CCDC77: variants seen among roughly 807,000 people sequenced by gnomAD.
CCDC77 encodes the protein coiled-coil domain containing 77.
CCDC77 carries 56 observed loss-of-function variants against 66.8 expected under a neutral mutation model. The ratio of observed to expected loss-of-function variants is 0.84; its 90% CI spans 0.68 to 1.05. The LOEUF (loss-of-function observed/expected upper bound fraction) is 1.05, where lower values mean the gene tolerates loss of function less well. CCDC77 is among the 50% of genes least tolerant of loss of function. The probability of loss-of-function intolerance (pLI) is 0.00; values close to 1 mark genes in which losing one functional copy is unlikely to be tolerated. For synonymous variants in CCDC77, 196 were observed against 195.2 expected, an observed-to-expected ratio of 1.00 and a Z score of -0.03; for missense variants, 570 against 576.8, an observed-to-expected ratio of 0.99 and a Z score of 0.12.
upstream of CCDC77, chr12:401,623 C>T (rs1944896480): frequency 6.6e-6 from 1 of 152,320 alleles, no homozygotes; most frequent in Non-Finnish European, 1.5e-5. Context: ...TGGCGCCGCG[C>T]CGCTCCTTGG....
chr12:440,623 A>G lies in CCDC77; in HGVS notation c.1048A>G (p.Lys350Glu), dbSNP rs369756209. The change falls in exon 11 of 13, where the codon AAA becomes GAA. Residue 350 changes from lysine (K) to glutamate (E), a missense_variant. By Grantham distance (56) the Lys-to-Glu change is moderately conservative. Transcript: ENST00000239830. ...TTGTCCCTTTGACTTGTAGTCCCTAAAAGATAAGTTAGTACAAGAGAAAAA... is the reference window on the plus strand; with the variant it reads ...TTGTCCCTTTGACTTGTAGTCCCTAGAAGATAAGTTAGTACAAGAGAAAAA... ...HAQSEYIKSL[K>E]DKLVQEKKLS... The G allele has an allele frequency of 1.2e-5, 19 of 1,613,944 alleles. No homozygotes were observed. In the African/African-American group the frequency reaches 2.4e-4, roughly 20 times the overall value.
chr12:391,483 C>A (rs572920110), intron 1 of CCDC77, among the ~76,000 whole-genome samples: 1 of 152,070 alleles, frequency 6.6e-6, no homozygotes, highest in African/African-American at 2.4e-5. Context: ...ACAACAAAGT[C>A]TTTGATTTTT....
chr12:410,991 T>A (rs1945097333), intron 3 of CCDC77, among the ~76,000 whole-genome samples: 1 of 152,182 alleles, frequency 6.6e-6, no homozygotes, highest in Non-Finnish European at 1.5e-5. Context: ...TTGCCCAGGC[T>A]GGACTGGAAC....
At chr12:428,273 G>A (rs1945572109) in intron 5 of CCDC77, among the ~76,000 whole-genome samples, 1 of 152,116 alleles carries the variant, frequency 6.6e-6, no homozygotes, top group African/African-American at 2.4e-5. Flanking sequence ...AGCACTTTGG[G>A]AGGCCGAGGC....
chr12:435,360 C>A (rs1432623332), intron 9 of CCDC77, among the ~76,000 whole-genome samples: 1 of 152,142 alleles, frequency 6.6e-6, no homozygotes, highest in Non-Finnish European at 1.5e-5. Context: ...CTACTTCTTT[C>A]TGTGTTTCAT....
intron 3 of CCDC77, 50 bp from the exon 4 acceptor site, chr12:411,690 TATAACTC>T (rs1256823715): frequency 1.4e-5 from 20 of 1,389,960 alleles, no homozygotes; most frequent in Admixed American, 2.1e-5. Context: ...TTTAGGAAGT[TATAACTC>T]ATAAACTTTC....
intron 1 of CCDC77, among the ~76,000 whole-genome samples, chr12:393,474 A>T (rs768707029): frequency 6.6e-6 from 1 of 151,960 alleles, no homozygotes; most frequent in Non-Finnish European, 1.5e-5. Flanking sequence ...AACAATTTGG[A>T]ATCTAAAACT....
At chr12:403,338 C>T (rs903027059) in intron 1 of CCDC77, among the ~76,000 whole-genome samples, 1 of 152,150 alleles carries the variant, frequency 6.6e-6, no homozygotes, top group Non-Finnish European at 1.5e-5. Context: ...CACTGTCCCT[C>T]GGCCTTATAT....
chr12:426,993 C>T (rs1945544739), intron 5 of CCDC77, among the ~76,000 whole-genome samples: 1 of 152,150 alleles, frequency 6.6e-6, no homozygotes, highest in South Asian at 2.1e-4. Flanking sequence ...GGCTGGTAAT[C>T]CCAGCACTTT....
chr12:433,493 GGCGT>G, intron 9 of CCDC77, 171 bp downstream of exon 9: 1 of 1,399,290 alleles, frequency 7.1e-7, no homozygotes, highest in Admixed American at 2.9e-5. Context: ...CGCTTTTCCA[GGCGT>G]GCTGTTGAAG....
chr12:413,907 C>T (rs1021460509), intron 4 of CCDC77, among the ~76,000 whole-genome samples: 4 of 151,730 alleles, frequency 2.6e-5, no homozygotes, highest in South Asian at 2.1e-4. Context: ...GGATTACAGG[C>T]GTGAGCCACC....
At chr12:423,308 A>ATTTT (rs146625380) in intron 5 of CCDC77, among the ~76,000 whole-genome samples, 4 of 130,700 alleles carry the variant, frequency 3.1e-5, no homozygotes, top group Non-Finnish European at 6.4e-5. Context: ...ATATATATAT[A>ATTTT]TTTTTTTTTT....
chr12:404,914 G>T (rs1944964718), intron 1 of CCDC77, among the ~76,000 whole-genome samples: 1 of 151,964 alleles, frequency 6.6e-6, no homozygotes, highest in African/African-American at 2.4e-5. Flanking sequence ...TAGAGATGGG[G>T]TTTCTCCAGG....
At chr12:440,312 T>G (rs1945835705) in intron 10 of CCDC77, among the ~76,000 whole-genome samples, 1 of 152,238 alleles carries the variant, frequency 6.6e-6, no homozygotes, top group South Asian at 2.1e-4. Context: ...ACTTTAGAAA[T>G]GTAGCCCAAA....
In CCDC77 at chr12:433,284, C is replaced by G. The variant is rs1161717232; in HGVS notation, c.783C>G (p.His261Gln). 5 of 1,613,674 alleles carry G rather than the reference C, an allele frequency of 3.1e-6. No homozygotes were observed. Among genetic ancestry groups the G allele is most frequent in the Non-Finnish European group, 4.2e-6 (5 of 1,179,936 alleles). Reference protein sequence around the residue: ...RIHLEEIQVQHQRNQNKIKEL... With the variant: ...RIHLEEIQVQQQRNQNKIKEL... ...ACCTTGAGGAAATACAAGTTCAGCA[C>G]CAGAGAAATCAGAACAAAATCAAAG... The change falls in exon 9 of 13, where the codon CAC becomes CAG. Residue 261 changes from histidine to glutamine, a missense_variant. By Grantham distance (24) the His-to-Gln change is conservative. Transcript: ENST00000239830.
intron 4 of CCDC77, among the ~76,000 whole-genome samples, chr12:416,365 GTGTGTGTGTGTGTATATATA>G (rs1335118259): frequency 0.17 from 6,519 of 38,762 alleles, 947 homozygotes; most frequent in African/African-American, 0.24. Flanking sequence ...GTGTGTGTGT[GTGTGTGTGTGTGTATATATA>G]TATATATATA....
At chr12:389,711 G>T (rs1296090386) in intron 1 of CCDC77, among the ~76,000 whole-genome samples, 2 of 152,190 alleles carry the variant, frequency 1.3e-5, no homozygotes, top group South Asian at 4.1e-4. Flanking sequence ...TCGAAAACAC[G>T]CCGGGCTTAA....
At chr12:410,686 C>G (rs989607360) in intron 3 of CCDC77, among the ~76,000 whole-genome samples, 1 of 151,464 alleles carries the variant, frequency 6.6e-6, no homozygotes, top group African/African-American at 2.4e-5. Flanking sequence ...GCTGGGATTA[C>G]ACACGCGTGC....
At chr12:405,862 A>G (rs756853809) in intron 2 of CCDC77, among the ~76,000 whole-genome samples, 18 of 152,088 alleles carry the variant, frequency 1.2e-4, no homozygotes, top group Non-Finnish European at 2.5e-4. Context: ...GTGAGTTTGC[A>G]TATTCCAGTG....
Sources: gnomAD v4.1 joint callset for allele counts (sites outside exome capture counted in the v4.1 genomes callset) on GRCh38, gnomAD v4.1.1 for gene constraint, MANE v1.5 for transcripts, NCBI Gene and HGNC (gene_info 2026-07-23, HGNC 2026-07-21) for gene names.